Variants in ACSS3 observed in about 807,000 individuals in gnomAD.
The protein encoded by ACSS3 is acyl-CoA synthetase short-chain family member 3, mitochondrial.
Under a neutral mutation model 84.2 loss-of-function variants are expected in ACSS3, and 64 were observed. That is an observed-to-expected ratio of 0.76 (90% confidence interval 0.62 to 0.94). The LOEUF (loss-of-function observed/expected upper bound fraction) is 0.94, where lower values mean the gene tolerates loss of function less well. ACSS3 is among the 40% of genes least tolerant of loss of function. ACSS3 has a pLI of 0.00. For synonymous variants in ACSS3, 317 were observed against 310.1 expected, an observed-to-expected ratio of 1.02 and a Z score of -0.23; for missense variants, 815 against 867.6, an observed-to-expected ratio of 0.94 and a Z score of 0.76.
At chr12:81,219,009 A>G (rs1347115373) in intron 10 of ACSS3, among the ~76,000 whole-genome samples, 1 of 152,168 alleles carries the variant, frequency 6.6e-6, no homozygotes, top group East Asian at 1.9e-4. Context: ...TTAATTTAAT[A>G]TAACACATTT....
At chr12:81,135,604 G>A (rs1456273147) in intron 3 of ACSS3, among the ~76,000 whole-genome samples, 2 of 151,486 alleles carry the variant, frequency 1.3e-5, no homozygotes, top group African/African-American at 4.8e-5. Context: ...GATACTTCAT[G>A]TTCTCACTGT....
chr12:81,253,731 T>G (rs1170279515), intron 15 of ACSS3, 61 bp downstream of exon 15: 10 of 1,523,510 alleles, frequency 6.6e-6, no homozygotes, highest in Non-Finnish European at 8.0e-6. Flanking sequence ...TTCTTTGGCA[T>G]CAGCAAAGCT....
chr12:81,245,615 C>T (rs547836262), intron 13 of ACSS3, among the ~76,000 whole-genome samples: 4 of 152,242 alleles, frequency 2.6e-5, no homozygotes, highest in African/African-American at 9.6e-5. Context: ...AAAAGGAACA[C>T]AGTGTTTTGT....
At chr12:81,202,594 G>A (rs1056115200) in intron 9 of ACSS3, among the ~76,000 whole-genome samples, 1 of 151,962 alleles carries the variant, frequency 6.6e-6, no homozygotes, top group Non-Finnish European at 1.5e-5. Context: ...TTTCTACAGG[G>A]TCCCTTTTTC....
chr12:81,162,890 C>A (rs1446205722), intron 7 of ACSS3, among the ~76,000 whole-genome samples: 1 of 152,130 alleles, frequency 6.6e-6, no homozygotes, highest in Admixed American at 6.6e-5. Context: ...CTGGACAGGG[C>A]CACAACTTTG....
At chr12:81,170,100 A>G (rs1169677988) in intron 7 of ACSS3, among the ~76,000 whole-genome samples, 1 of 152,174 alleles carries the variant, frequency 6.6e-6, no homozygotes, top group African/African-American at 2.4e-5. Flanking sequence ...AAATGGAATC[A>G]TAGGATTAAT....
At chr12:81,097,059 G>C (rs1231350411) in intron 1 of ACSS3, among the ~76,000 whole-genome samples, 3 of 152,158 alleles carry the variant, frequency 2.0e-5, no homozygotes, top group South Asian at 2.1e-4. Context: ...CTGTGGTGGA[G>C]AAACTAAATT....
At chr12:81,151,808 G>A (rs773996758) in intron 5 of ACSS3, 36 bp from the exon 6 acceptor site, 3 of 1,580,968 alleles carry the variant, frequency 1.9e-6, no homozygotes, top group Admixed American at 1.7e-5. Context: ...TTTACACATT[G>A]TTTATTGATT....
chr12:81,220,642 C>G (rs1249526340), intron 11 of ACSS3, among the ~76,000 whole-genome samples: 1 of 151,986 alleles, frequency 6.6e-6, no homozygotes, highest in Non-Finnish European at 1.5e-5. Flanking sequence ...ATCATTATGT[C>G]CATGTGTACC....
intron 2 of ACSS3, among the ~76,000 whole-genome samples, chr12:81,121,829 CCT>C (rs1200760659): frequency 6.6e-6 from 1 of 151,988 alleles, no homozygotes; most frequent in African/African-American, 2.4e-5. Context: ...TGTGCCATAA[CCT>C]TATCTGACCT....
intron 8 of ACSS3, among the ~76,000 whole-genome samples, chr12:81,188,171 A>G (rs890476921): frequency 6.6e-6 from 1 of 151,998 alleles, no homozygotes; most frequent in Non-Finnish European, 1.5e-5. Context: ...CAAACCTTAA[A>G]ATTTAAAGAT....
intron 8 of ACSS3, among the ~76,000 whole-genome samples, chr12:81,184,374 C>A (rs1197252735): frequency 6.6e-6 from 1 of 151,692 alleles, no homozygotes. Context: ...AACATTACCC[C>A]TCAAGGAATG....
chr12:81,224,827 T>C (rs1353021474), intron 11 of ACSS3, among the ~76,000 whole-genome samples: 1 of 151,948 alleles, frequency 6.6e-6, no homozygotes, highest in Non-Finnish European at 1.5e-5. Context: ...TTTTCTACGC[T>C]ACTGCCCGTT....
chr12:81,206,012 ACTTGAGGACTCCAT>A (rs1368373073), intron 9 of ACSS3, among the ~76,000 whole-genome samples: 6 of 152,198 alleles, frequency 3.9e-5, no homozygotes, highest in African/African-American at 1.4e-4. Context: ...ATTCTTGGTG[ACTTGAGGACTCCAT>A]CTTGATTTAA....
chr12:81,120,794 C>A (rs752505490), intron 2 of ACSS3, among the ~76,000 whole-genome samples: 11 of 152,010 alleles, frequency 7.2e-5, no homozygotes, highest in Non-Finnish European at 1.6e-4. Context: ...GATTAGAGAC[C>A]TTGGAGATAT....
intron 15 of ACSS3, among the ~76,000 whole-genome samples, chr12:81,254,343 T>A (rs1455287445): frequency 6.6e-6 from 1 of 152,178 alleles, no homozygotes; most frequent in African/African-American, 2.4e-5. Context: ...TGGCAATTAG[T>A]GAATGAGAAA....
At chr12:81,241,891 T>A (rs2033818535) in intron 13 of ACSS3, among the ~76,000 whole-genome samples, 1 of 152,200 alleles carries the variant, frequency 6.6e-6, no homozygotes, top group East Asian at 1.9e-4. Context: ...TTTTGGTGTT[T>A]TAGACATGAA....
chr12:81,100,877 G>A (rs914233853), intron 1 of ACSS3, among the ~76,000 whole-genome samples: 2 of 152,146 alleles, frequency 1.3e-5, no homozygotes, highest in Admixed American at 1.3e-4. Context: ...TCCTTCTCTT[G>A]TTAGGCCCTG....
chr12:81,189,818 T>C (rs1487053429), intron 8 of ACSS3, among the ~76,000 whole-genome samples: 1 of 152,188 alleles, frequency 6.6e-6, no homozygotes. Context: ...CTTTCATACT[T>C]ACAACTATAA....
Sources: gnomAD v4.1 joint callset for allele counts (sites outside exome capture counted in the v4.1 genomes callset) on GRCh38, gnomAD v4.1.1 for gene constraint, MANE v1.5 for transcripts, NCBI Gene and HGNC (gene_info 2026-07-23, HGNC 2026-07-21) for gene names.